The following SLIT3 variants were observed in gnomAD, a reference collection of about 807,000 sequenced individuals.
SLIT3 encodes slit guidance ligand 3.
SLIT3 carries 68 observed loss-of-function variants against 184.0 expected under a neutral mutation model. The ratio of observed to expected loss-of-function variants is 0.37; its 90% CI spans 0.30 to 0.45. The LOEUF (loss-of-function observed/expected upper bound fraction) is 0.45, where lower values mean the gene tolerates loss of function less well. Ranked by LOEUF, SLIT3 falls within the 20% of genes least tolerant of loss-of-function variation. SLIT3 has a pLI of 1.00. For missense variants in SLIT3, 1,707 were observed against 2,026.0 expected, an observed-to-expected ratio of 0.84 and a Z score of 3.02; for synonymous variants, 831 against 828.6, an observed-to-expected ratio of 1.00 and a Z score of -0.05.
intron 4 of SLIT3, among the ~76,000 whole-genome samples, chr5:169,031,017 C>T (rs1312422060): frequency 1.3e-5 from 2 of 152,164 alleles, no homozygotes; most frequent in Non-Finnish European, 2.9e-5. Context: ...AAAAGCTTTC[C>T]TCTCCTGAAT....
At chr5:168,966,886 A>T (rs1763213529) in intron 4 of SLIT3, among the ~76,000 whole-genome samples, 1 of 152,230 alleles carries the variant, frequency 6.6e-6, no homozygotes, top group Non-Finnish European at 1.5e-5. Context: ...AATGTCTTTC[A>T]GTTGAGCAAT....
At chr5:169,027,566 G>C (rs1462256585) in intron 4 of SLIT3, among the ~76,000 whole-genome samples, 1 of 152,146 alleles carries the variant, frequency 6.6e-6, no homozygotes, top group African/African-American at 2.4e-5. Flanking sequence ...CCAATCAAAA[G>C]GCACCTTTAA....
chr5:169,039,999 T>C (rs1016820816), intron 4 of SLIT3, among the ~76,000 whole-genome samples: 11 of 152,210 alleles, frequency 7.2e-5, no homozygotes, highest in African/African-American at 1.9e-4. Context: ...AGCAACCATA[T>C]AGCAGCAACA....
chr5:169,019,363 C>G (rs1332250453), intron 4 of SLIT3, among the ~76,000 whole-genome samples: 1 of 152,150 alleles, frequency 6.6e-6, no homozygotes, highest in Non-Finnish European at 1.5e-5. Flanking sequence ...TGGGTTGCAC[C>G]ACAGCACAAG....
At chr5:169,188,909 C>T (rs1763448920) in intron 4 of SLIT3, among the ~76,000 whole-genome samples, 1 of 152,182 alleles carries the variant, frequency 6.6e-6, no homozygotes, top group African/African-American at 2.4e-5. Flanking sequence ...TTGACTACCT[C>T]CTCCTGTCCT....
chr5:168,772,941 G>A lies in SLIT3; in HGVS notation c.1299C>T (p.His433=), dbSNP rs34031423. ...CGCACACAAATGGGTTTTGGGCTAAGTGGCTGCGAGAGGGATGGGGCCGTT... is the reference window on the plus strand; with the variant it reads ...CGCACACAAATGGGTTTTGGGCTAAATGGCTGCGAGAGGGATGGGGCCGTT... ...FAPLQSIQTL[H]LAQNPFVCDC... Residue 433 remains histidine, a synonymous_variant, in exon 14 of 36, where the codon CAC becomes CAT. Transcript: ENST00000519560. The A allele has an allele frequency of 5.5e-3, 8,836 of 1,598,714 alleles. 427 individuals are homozygous for A. The African/African-American group carries it at 0.1, about 18-fold the overall frequency.
At chr5:169,260,616 T>C (rs1204625521) in intron 1 of SLIT3, among the ~76,000 whole-genome samples, 1 of 152,206 alleles carries the variant, frequency 6.6e-6, no homozygotes, top group African/African-American at 2.4e-5. Flanking sequence ...TTCTACAGTA[T>C]CTCTCTGAAA....
In SLIT3 at chr5:168,923,917, C is replaced by T. The variant is rs73310277; in HGVS notation, c.414-40581G>A. 7.7e-3 allele frequency among the ~76,000 whole-genome samples: 1,166 copies of T among 152,376 alleles called. 11 individuals carry two copies. The highest frequency in any genetic ancestry group is 0.025 in the African/African-American group (1,056 of 41,590). ...GCCTGCTGCCTGAAATAAAGGTTAC[C>T]GGAACACAGCCACGCTCAATCATTT... On this transcript the variant is annotated intron_variant, in intron 4 of 35. Coordinates refer to ENST00000519560, the MANE Select transcript of SLIT3 (RefSeq NM_003062.4).
At chr5:168,736,663 G>T (rs544060843) in intron 20 of SLIT3, among the ~76,000 whole-genome samples, 1 of 146,934 alleles carries the variant, frequency 6.8e-6, no homozygotes, top group African/African-American at 2.7e-5. Flanking sequence ...CTGCTGCAAT[G>T]CAGAGTGCCT....
At chr5:168,749,405 G>T in intron 19 of SLIT3, 67 bp downstream of exon 19, 1 of 1,564,108 alleles carries the variant, frequency 6.4e-7, no homozygotes. Context: ...ATCTGATTGT[G>T]CATCTTCGCC....
intron 9 of SLIT3, among the ~76,000 whole-genome samples, chr5:168,796,048 T>C (rs1756553935): frequency 6.6e-6 from 1 of 152,250 alleles, no homozygotes; most frequent in African/African-American, 2.4e-5. Flanking sequence ...ATGTCAATGG[T>C]TGACTTCATT....
At chr5:168,971,354 G>T (rs971723108) in intron 4 of SLIT3, among the ~76,000 whole-genome samples, 2 of 152,162 alleles carry the variant, frequency 1.3e-5, no homozygotes, top group African/African-American at 4.8e-5. Flanking sequence ...GGACAACATG[G>T]CCAGGTGGTG....
At chr5:168,714,510 G>A (rs1450493345) in intron 23 of SLIT3, among the ~76,000 whole-genome samples, 1 of 152,148 alleles carries the variant, frequency 6.6e-6, no homozygotes, top group Non-Finnish European at 1.5e-5. Context: ...TTGAACCCAG[G>A]AGGCAGAGGT....
At chr5:169,034,939 G>GTGTGTGTGTGTT (rs1757179074) in intron 4 of SLIT3, among the ~76,000 whole-genome samples, 3 of 150,990 alleles carry the variant, frequency 2.0e-5, no homozygotes, top group African/African-American at 7.3e-5. Flanking sequence ...GTGTGTGTGT[G>GTGTGTGTGTGTT]TGTGTGTGTG....
chr5:168,681,261 G>C (rs1474759949), intron 32 of SLIT3, among the ~76,000 whole-genome samples: 1 of 152,212 alleles, frequency 6.6e-6, no homozygotes. Flanking sequence ...ACTGCTTGTT[G>C]ATATGTGTGT....
chr5:169,212,777 A>G (rs1764309587), intron 3 of SLIT3, among the ~76,000 whole-genome samples: 1 of 152,166 alleles, frequency 6.6e-6, no homozygotes, highest in Non-Finnish European at 1.5e-5. Context: ...TCTTTAATCC[A>G]TCTTAATTTT....
At chr5:169,128,308 T>C (rs1023798174) in intron 4 of SLIT3, among the ~76,000 whole-genome samples, 2 of 149,282 alleles carry the variant, frequency 1.3e-5, no homozygotes, top group Non-Finnish European at 3.0e-5. Flanking sequence ...TGTGTGCATA[T>C]ATAAATTTTT....
chr5:169,008,683 T>C lies in SLIT3; in HGVS notation c.414-125347A>G, dbSNP rs561810089. ...TTTTTTTTTAACTTTTTAATAAAAA[T>C]AGAGACAGGGTCTCCGTATGTTGCC... On this transcript the variant is annotated intron_variant, in intron 4 of 35. Coordinates refer to ENST00000519560, the MANE Select transcript of SLIT3 (RefSeq NM_003062.4). 3.1e-3 allele frequency among the ~76,000 whole-genome samples: 477 copies of C among 152,206 alleles called. 1 individual carries two copies. The highest frequency in any genetic ancestry group is 5.1e-3 in the Non-Finnish European group (345 of 68,020).
intron 4 of SLIT3, among the ~76,000 whole-genome samples, chr5:168,978,676 C>T (rs1045328802): frequency 3.9e-5 from 6 of 152,192 alleles, no homozygotes; most frequent in African/African-American, 1.4e-4. Context: ...AAATCCACTG[C>T]CTCTCATTAT....
Sources: gnomAD v4.1 joint callset for allele counts (sites outside exome capture counted in the v4.1 genomes callset) on GRCh38, gnomAD v4.1.1 for gene constraint, MANE v1.5 for transcripts, NCBI Gene and HGNC (gene_info 2026-07-23, HGNC 2026-07-21) for gene names.